TAF9: variants seen among roughly 807,000 people sequenced by gnomAD.
TAF9 encodes the protein transcription initiation factor TFIID subunit 9.
In TAF9, 10 loss-of-function variants were observed where a neutral mutation model predicts 16.5. The observed-to-expected ratio is 0.61, with a 90% confidence interval of 0.37 to 1.03. TAF9 has a LOEUF of 1.03. Ranked by LOEUF, TAF9 falls within the 50% of genes least tolerant of loss-of-function variation. TAF9 has a pLI of 0.01. For synonymous variants in TAF9, 105 were observed against 120.5 expected (o/e 0.87, Z 0.84); for missense variants, 288 against 319.1 (o/e 0.90, Z 0.74).
chr5:69,369,230 C>A lies in TAF9; in HGVS notation c.-111+233G>T, dbSNP rs1310126924. The A allele has an allele frequency of 1.7e-4, 16 of 93,726 alleles. 2 individuals carry two copies. The highest frequency in any genetic ancestry group is 4.7e-3 in the Middle Eastern group (1 of 212). The allele number at this position is 93,726 out of a possible 1,614,324, so 5.8% of individuals were successfully genotyped here. ...TGGATCTGCCGACCTCTCTCCACCC[C>A]CCCCCGCCCCCCCCCGGAGCCTCAG... On this transcript the variant is annotated intron_variant, in intron 1 of 2. Transcript: ENST00000217893.
intron 2 of TAF9, among the ~76,000 whole-genome samples, chr5:69,366,171 T>C (rs1315836856): frequency 6.6e-6 from 1 of 152,240 alleles, no homozygotes; most frequent in Non-Finnish European, 1.5e-5. Context: ...TGTGCTCATA[T>C]ATATGTTTAG....
chr5:69,365,077 A>G lies in TAF9; in HGVS notation c.661T>C (p.Ser221Pro). The G allele has an allele frequency of 6.2e-7, 1 of 1,614,202 alleles. No individual in the cohort carries two copies. The highest frequency in any genetic ancestry group is 8.5e-7 in the Non-Finnish European group (1 of 1,180,030). The stretch of plus-strand genomic sequence containing the variant: ...TTAGTGGTAATAAGAATGTTTTTGG[A>G]CCCGATTAATGATGGATTAATCAGA... ...NVLINPSLIG[S>P]KNILITTNMM... Residue 221 changes from serine to proline, a missense_variant, in exon 3 of 3, where the codon TCC (serine) becomes CCC (proline). Ser to Pro is a moderately conservative substitution (Grantham distance 74). Coordinates refer to ENST00000217893, the MANE Select transcript of TAF9 (RefSeq NM_003187.5).
At position 69,365,057 on chromosome 5, in the gene TAF9, G is replaced by A. The variant is rs375540616; in HGVS notation, c.681C>T (p.Thr227=). Residue 227 remains threonine, a synonymous_variant, in exon 3 of 3, where the codon ACC becomes ACT. Transcript: ENST00000217893. ...TATTTTGTGATGACATCATATTAGT[G>A]GTAATAAGAATGTTTTTGGACCCGA... ...SLIGSKNILI[T]TNMMSSQNTA... is the part of the protein sequence containing the mutation. The A allele has an allele frequency of 2.5e-6, 4 of 1,613,820 alleles. No homozygotes were observed. Among genetic ancestry groups the A allele is most frequent in the Middle Eastern group, 3.3e-4 (2 of 6,084 alleles).
upstream of TAF9, chr5:69,369,552 C>T: frequency 8.1e-6 from 13 of 1,609,428 alleles, no homozygotes; most frequent in South Asian, 1.1e-5. Flanking sequence ...CAGGGAGGAG[C>T]CGGAAGGGGC....
chr5:69,366,081 T>C (rs1477926868), intron 2 of TAF9, among the ~76,000 whole-genome samples: 1 of 152,186 alleles, frequency 6.6e-6, no homozygotes, highest in African/African-American at 2.4e-5. Context: ...AATCTCACAC[T>C]AATCTAAGAT....
At chr5:69,365,866 AT>A (rs1762400263) in intron 2 of TAF9, 112 bp from the exon 3 acceptor site, 1 of 731,032 alleles carries the variant, frequency 1.4e-6, no homozygotes, top group Non-Finnish European at 2.0e-6. Flanking sequence ...CTGTAAAAAA[AT>A]TTTTAAAATT....
chr5:69,369,460 GA>G lies in TAF9; in HGVS notation c.-111+2del. ...CCAGTCCCTCCCGGCCGCGCGCCCTGACCGGTGAGCAGGATGTTCGGAAGCA... is the reference window on the plus strand; with the variant it reads ...CCAGTCCCTCCCGGCCGCGCGCCCTGCCGGTGAGCAGGATGTTCGGAAGCA... On this transcript the variant is annotated splice_donor_variant, in intron 1 of 2. Coordinates refer to ENST00000217893, the MANE Select transcript of TAF9 (RefSeq NM_003187.5). LOFTEE classifies it low-confidence loss of function (5UTR_SPLICE). The G allele has an allele frequency of 6.2e-7, 1 of 1,610,328 alleles. No individual in the cohort carries two copies. Among genetic ancestry groups the G allele is most frequent in the Admixed American group, 1.7e-5 (1 of 59,906 alleles).
Position 69,364,919 on chromosome 5 carries a change from C to A in TAF9, c.*24G>T. ...TACAATGAATTCAAGACCAAGTATA[C>A]ATGTTACATTCAGCAAGGCTAGATT... On this transcript the variant is annotated 3_prime_UTR_variant, in exon 3 of 3. Transcript: ENST00000217893. 1 of 1,583,878 alleles carries A rather than the reference C, an allele frequency of 6.3e-7. No individual in the cohort carries two copies. Among genetic ancestry groups the A allele is most frequent in the Non-Finnish European group, 8.6e-7 (1 of 1,165,460 alleles).
chr5:69,365,486 G>A lies in TAF9; in HGVS notation c.252C>T (p.Thr84=), dbSNP rs780162230. 1.2e-6 allele frequency: 2 copies of A among 1,614,102 alleles called. No homozygotes were observed. The highest frequency in any genetic ancestry group is 2.2e-5 in the East Asian group (1 of 44,888). ...AIQCRADQSF[T]SPPPRDFLLD... ...ATAAAAAATCTCTTGGGGGAGGAGA[G>A]GTAAAAGACTGATCAGCGCGGCACT... is the stretch of plus-strand genomic sequence containing the variant. Residue 84 remains threonine, a synonymous_variant, in exon 3 of 3, where the codon ACC becomes ACT. Coordinates refer to ENST00000217893, the MANE Select transcript of TAF9 (RefSeq NM_003187.5).
At position 69,366,521 on chromosome 5, in the gene TAF9, C is replaced by A; in HGVS notation, c.-36G>T. ...CCCTTACCTTCTCGAGCTAAATCAC[C>A]CACATTAATGTATTTCAGTCCTGAT... On this transcript the variant is annotated 5_prime_UTR_variant, in exon 2 of 3. Coordinates refer to ENST00000217893, the MANE Select transcript of TAF9 (RefSeq NM_003187.5). The A allele has an allele frequency of 6.2e-7, 1 of 1,613,910 alleles. No homozygotes were observed. The highest frequency in any genetic ancestry group is 8.5e-7 in the Non-Finnish European group (1 of 1,179,942).
Position 69,365,871 on chromosome 5 carries a change from T to C in TAF9, c.-17-117A>G, listed in dbSNP as rs1249097490. 4 of 682,918 alleles carry C rather than the reference T, an allele frequency of 5.9e-6. No homozygotes were observed. In the Admixed American group the frequency reaches 1.5e-4, roughly 26 times the overall value. The allele number at this position is 682,918 out of a possible 1,614,324, so 42.3% of individuals were successfully genotyped here. ...CTATGTTAAACTGTAAAAAAATTTT[T>C]AAAATTTAAACCATATGTTTTCTTA... On this transcript the variant is annotated intron_variant, in intron 2 of 2. Transcript: ENST00000217893.
chr5:69,369,528 T>A (rs766708460), upstream of TAF9: 3 of 1,611,176 alleles, frequency 1.9e-6, no homozygotes, highest in Admixed American at 5.0e-5. Context: ...CTCGCTCACG[T>A]GCCCTTTGCT....
chr5:69,367,464 C>T (rs758172643), intron 1 of TAF9, among the ~76,000 whole-genome samples: 1 of 147,380 alleles, frequency 6.8e-6, no homozygotes, highest in Non-Finnish European at 1.5e-5. Flanking sequence ...GAGCCAAGAT[C>T]GCGCCACAGC....
chr5:69,366,686 A>G (rs1762440670), intron 1 of TAF9, 91 bp from the exon 2 acceptor site: 1 of 970,022 alleles, frequency 1.0e-6, no homozygotes, highest in Non-Finnish European at 1.6e-6. Flanking sequence ...TTTTTGAGAC[A>G]GAGTCTCACC....
Position 69,365,171 on chromosome 5 carries a change from T to C in TAF9, c.567A>G (p.Val189=). The change falls in exon 3 of 3, where the codon GTA becomes GTG. Residue 189 remains valine, a synonymous_variant. Coordinates refer to ENST00000217893, the MANE Select transcript of TAF9 (RefSeq NM_003187.5). ...CTGGAGACTGAGAAGTAGGCATCTG[T>C]ACTGTAAACCTTTGACCTGTGAGGG... is the stretch of plus-strand genomic sequence containing the variant. ...PMSLTGQRFT[V]QMPTSQSPAV... is the part of the protein sequence containing the mutation. The C allele has an allele frequency of 2.5e-6, 4 of 1,614,232 alleles. No individual in the cohort carries two copies. The highest frequency in any genetic ancestry group is 3.4e-6 in the Non-Finnish European group (4 of 1,180,042).
rs1762437015 is a variant in TAF9, at chr5:69,366,607, G to A, written c.-110-12C>T. The stretch of plus-strand genomic sequence containing the variant: ...AACCCCTGGTGTACCTGTAAGACAA[G>A]CCACAGAAAAATACTGTTTGTGAAA... On this transcript the variant is annotated splice_polypyrimidine_tract_variant and intron_variant, in intron 1 of 2. Coordinates refer to ENST00000217893, the MANE Select transcript of TAF9 (RefSeq NM_003187.5). The A allele has an allele frequency of 2.5e-6, 4 of 1,596,220 alleles. No individual in the cohort carries two copies. The highest frequency in any genetic ancestry group is 3.4e-6 in the Non-Finnish European group (4 of 1,164,176).
At position 69,369,262 on chromosome 5, in the gene TAF9, G is replaced by C. The variant is rs1181483070; in HGVS notation, c.-111+201C>G. 5.1e-5 allele frequency: 5 copies of C among 97,178 alleles called. No homozygotes were observed. In the East Asian group the frequency reaches 1.7e-3, roughly 32 times the overall value. The allele number at this position is 97,178 out of a possible 1,614,324, so 6.0% of individuals were successfully genotyped here. A position where few individuals can be genotyped will look rare whatever the true frequency, so the allele number is the denominator to read the frequency against. On this transcript the variant is annotated intron_variant, in intron 1 of 2. Coordinates refer to ENST00000217893, the MANE Select transcript of TAF9 (RefSeq NM_003187.5). ...CCCCCCCCCGGAGCCTCAGGCCAACGGAATTAACGTTCCGCGTCCCCTCCC... is the reference window on the plus strand; with the variant it reads ...CCCCCCCCCGGAGCCTCAGGCCAACCGAATTAACGTTCCGCGTCCCCTCCC...
At chr5:69,369,041 A>C in intron 1 of TAF9, 1 of 217,426 alleles carries the variant, frequency 4.6e-6, no homozygotes, top group Non-Finnish European at 9.0e-6. Context: ...ACGGAGGCCT[A>C]AGGAGTGAGG....
rs761391664 is a variant in TAF9, at chr5:69,369,486, A to G, written c.-134T>C. The G allele has an allele frequency of 6.2e-7, 1 of 1,611,296 alleles. No homozygotes were observed. On this transcript the variant is annotated 5_prime_UTR_variant, in exon 1 of 3. Coordinates refer to ENST00000217893, the MANE Select transcript of TAF9 (RefSeq NM_003187.5). ...ACCGGTGAGCAGGATGTTCGGAAGC[A>G]ACATGGTCCCCGCCGCGACGGCTTC...
Sources: gnomAD v4.1 joint callset for allele counts (sites outside exome capture counted in the v4.1 genomes callset) on GRCh38, gnomAD v4.1.1 for gene constraint, MANE v1.5 for transcripts, NCBI Gene and HGNC (gene_info 2026-07-23, HGNC 2026-07-21) for gene names.